NKIRAS1: variants seen among roughly 807,000 people sequenced by gnomAD.
NKIRAS1 encodes the protein NFKB inhibitor interacting Ras like 1, also known as NF-kappa-B inhibitor-interacting Ras-like protein 1.
In NKIRAS1, 16 loss-of-function variants were observed where a neutral mutation model predicts 19.8. The ratio of observed to expected loss-of-function variants is 0.81; its 90% CI spans 0.55 to 1.23. NKIRAS1 has a LOEUF of 1.23. NKIRAS1 is among the 50% of genes most tolerant of loss of function. NKIRAS1 has a pLI of 0.00. For missense variants in NKIRAS1, 184 were observed against 220.0 expected (o/e 0.84, Z 1.04); for synonymous variants, 88 against 79.0 (o/e 1.11, Z -0.61).
intron 1 of NKIRAS1, among the ~76,000 whole-genome samples, chr3:23,943,578 A>T (rs1414616628): frequency 6.6e-6 from 1 of 152,258 alleles, no homozygotes; most frequent in Non-Finnish European, 1.5e-5. Context: ...CATACAGTAC[A>T]CAGCCTTTTT....
intron 3 of NKIRAS1, among the ~76,000 whole-genome samples, chr3:23,909,854 G>C (rs9818742): frequency 7.5e-6 from 1 of 133,428 alleles, no homozygotes; most frequent in Non-Finnish European, 1.6e-5. Flanking sequence ...AGTTGTTTTT[G>C]TTTTTTTTTG....
upstream of NKIRAS1, chr3:23,920,536 C>G: frequency 1.0e-6 from 1 of 985,296 alleles, no homozygotes; most frequent in Non-Finnish European, 1.2e-6. Flanking sequence ...ACCATGTCTT[C>G]CAGGAGACTA....
chr3:23,893,412 G>A, intron 4 of NKIRAS1, 75 bp from the exon 5 acceptor site: 1 of 1,364,934 alleles, frequency 7.3e-7, no homozygotes, highest in Non-Finnish European at 1.0e-6. Flanking sequence ...GGAGACATAA[G>A]GAAAATTGTT....
chr3:23,917,831 A>G (rs1704737327), upstream of NKIRAS1: 1 of 1,601,282 alleles, frequency 6.2e-7, no homozygotes, highest in Non-Finnish European at 8.5e-7. Context: ...GATATTTAAT[A>G]CACAGTTTGA....
intron 1 of NKIRAS1, among the ~76,000 whole-genome samples, chr3:23,941,409 T>C (rs952761738): frequency 2.6e-5 from 4 of 152,198 alleles, no homozygotes; most frequent in African/African-American, 9.7e-5. Flanking sequence ...TAAGGGCTAA[T>C]GAGGTAGCTT....
At chr3:23,945,208 G>C (rs1477330223) in intron 1 of NKIRAS1, 1 of 6,728 alleles carries the variant, frequency 1.5e-4, no homozygotes, top group African/African-American at 5.7e-4. Context: ...CGGGGCGGAG[G>C]TCGCCGCAGC....
chr3:23,912,421 C>A (rs1703845475), intron 1 of NKIRAS1, among the ~76,000 whole-genome samples: 1 of 152,096 alleles, frequency 6.6e-6, no homozygotes, highest in Non-Finnish European at 1.5e-5. Flanking sequence ...ATTTATGCAG[C>A]CAACAGACAC....
Position 23,893,039 on chromosome 3 carries a change from C to T in NKIRAS1, c.*56G>A. 2 of 1,481,940 alleles carry T rather than the reference C, an allele frequency of 1.3e-6. No homozygotes were observed. Among genetic ancestry groups the T allele is most frequent in the South Asian group, 2.9e-5 (2 of 68,452 alleles). The allele number at this position is 1,481,940 out of a possible 1,614,324, so 91.8% of individuals were successfully genotyped here. On this transcript the variant is annotated 3_prime_UTR_variant, in exon 5 of 5. Transcript: ENST00000425478. The stretch of plus-strand genomic sequence containing the variant: ...TTAAATAGTAATATTACTCCATGTT[C>T]ACAGACACTTAAAGGCAATCACTAT...
At chr3:23,941,761 T>G (rs1705501596) in intron 1 of NKIRAS1, among the ~76,000 whole-genome samples, 1 of 152,146 alleles carries the variant, frequency 6.6e-6, no homozygotes, top group South Asian at 2.1e-4. Context: ...CTCTATAGCC[T>G]CTACTAGTTA....
intron 1 of NKIRAS1, among the ~76,000 whole-genome samples, chr3:23,912,007 G>A (rs1329345482): frequency 1.3e-5 from 2 of 151,554 alleles, no homozygotes; most frequent in Admixed American, 6.6e-5. Context: ...CAAGTGATCC[G>A]CCTGCCTTGG....
At chr3:23,895,965 T>G (rs1273291483) in intron 4 of NKIRAS1, among the ~76,000 whole-genome samples, 1 of 151,586 alleles carries the variant, frequency 6.6e-6, no homozygotes, top group Admixed American at 6.6e-5. Flanking sequence ...AAACCCTATC[T>G]CTACTAAAAA....
At chr3:23,914,945 G>C (rs1704172400) in intron 1 of NKIRAS1, among the ~76,000 whole-genome samples, 1 of 152,166 alleles carries the variant, frequency 6.6e-6, no homozygotes, top group Admixed American at 6.5e-5. Flanking sequence ...CCTCACCTTT[G>C]AAATACATAC....
chr3:23,904,023 G>C (rs1437783722), intron 3 of NKIRAS1, among the ~76,000 whole-genome samples: 1 of 152,148 alleles, frequency 6.6e-6, no homozygotes, highest in Non-Finnish European at 1.5e-5. Context: ...AAATTAGCTG[G>C]GCACGGTGGT....
At chr3:23,904,352 G>A (rs746497716) in intron 3 of NKIRAS1, among the ~76,000 whole-genome samples, 1 of 152,192 alleles carries the variant, frequency 6.6e-6, no homozygotes, top group Non-Finnish European at 1.5e-5. Context: ...TTATGGCACA[G>A]TCCCTACTGC....
chr3:23,913,062 A>AAAAAAAAAAC (rs1703942357), intron 1 of NKIRAS1, among the ~76,000 whole-genome samples: 1 of 151,486 alleles, frequency 6.6e-6, no homozygotes, highest in African/African-American at 2.4e-5. Context: ...AAAAAAAAAA[A>AAAAAAAAAAC]AAGTAATACA....
Position 23,892,954 on chromosome 3 carries a change from CATTA to C in NKIRAS1, c.*137_*140del. On this transcript the variant is annotated 3_prime_UTR_variant, in exon 5 of 5. Transcript: ENST00000425478. Reference sequence around the variant, plus strand: ...CCAAATACTTTTAACATCTAAAGTGCATTAATTGACTTCCTTAGGAATTTTCCTA... The same window carrying C: ...CCAAATACTTTTAACATCTAAAGTGCATTGACTTCCTTAGGAATTTTCCTA... The C allele has an allele frequency of 2.8e-6, 2 of 710,872 alleles. No individual in the cohort carries two copies. Among genetic ancestry groups the C allele is most frequent in the South Asian group, 3.2e-5 (1 of 31,734 alleles). The allele number at this position is 710,872 out of a possible 1,614,324, so 44.0% of individuals were successfully genotyped here. A position where few individuals can be genotyped will look rare whatever the true frequency, so the allele number is the denominator to read the frequency against.
At chr3:23,898,772 C>T (rs1702226346) in intron 4 of NKIRAS1, among the ~76,000 whole-genome samples, 1 of 151,992 alleles carries the variant, frequency 6.6e-6, no homozygotes, top group African/African-American at 2.4e-5. Flanking sequence ...TCAGGGGTCC[C>T]CAACCCCTAG....
upstream of NKIRAS1, chr3:23,919,144 G>C: frequency 8.0e-7 from 1 of 1,245,714 alleles, no homozygotes; most frequent in South Asian, 1.2e-5. Context: ...TTTCTGACTT[G>C]CTGCTATAGG....
intron 3 of NKIRAS1, among the ~76,000 whole-genome samples, chr3:23,902,749 C>T (rs990600030): frequency 3.9e-5 from 6 of 152,264 alleles, no homozygotes; most frequent in East Asian, 1.9e-4. Context: ...CTACCCATCT[C>T]GCACACCAGG....
Sources: gnomAD v4.1 joint callset for allele counts (sites outside exome capture counted in the v4.1 genomes callset) on GRCh38, gnomAD v4.1.1 for gene constraint, MANE v1.5 for transcripts, NCBI Gene and HGNC (gene_info 2026-07-23, HGNC 2026-07-21) for gene names.